Variants in SLC22A3 observed in about 807,000 individuals in gnomAD.
SLC22A3 encodes solute carrier family 22 member 3.
In SLC22A3, 51 loss-of-function variants were observed where a neutral mutation model predicts 59.1. The observed-to-expected ratio is 0.86, with a 90% confidence interval of 0.69 to 1.09. The LOEUF (loss-of-function observed/expected upper bound fraction) is 1.09, where lower values mean the gene tolerates loss of function less well. Among genes scored for constraint, SLC22A3 ranks in the 50% least tolerant of loss-of-function variants. The pLI is 0.00. For missense variants in SLC22A3, 711 were observed against 726.3 expected, an observed-to-expected ratio of 0.98 and a Z score of 0.24; for synonymous variants, 325 against 292.0, an observed-to-expected ratio of 1.11 and a Z score of -1.15.
intron 9 of SLC22A3, among the ~76,000 whole-genome samples, chr6:160,445,131 T>C (rs1181943841): frequency 6.6e-6 from 1 of 152,100 alleles, no homozygotes; most frequent in Non-Finnish European, 1.5e-5. Flanking sequence ...GACAACAGAA[T>C]GTGATAACTG....
intron 5 of SLC22A3, among the ~76,000 whole-genome samples, chr6:160,436,109 C>G (rs968304094): frequency 1.3e-5 from 2 of 152,210 alleles, no homozygotes; most frequent in African/African-American, 4.8e-5. Flanking sequence ...GCACAGGAAA[C>G]TGGAGCTGCG....
chr6:160,363,013 G>A (rs924640748), intron 1 of SLC22A3, among the ~76,000 whole-genome samples: 7 of 152,206 alleles, frequency 4.6e-5, no homozygotes, highest in Non-Finnish European at 8.8e-5. Context: ...GGAGCCCGCC[G>A]AGAGCTGAGG....
intron 1 of SLC22A3, among the ~76,000 whole-genome samples, chr6:160,373,640 G>A (rs935984039): frequency 2.6e-5 from 4 of 152,198 alleles, no homozygotes; most frequent in Admixed American, 2.0e-4. Flanking sequence ...CTGTCCCAGG[G>A]AGATGGGAGT....
At chr6:160,387,379 G>T (rs145932779) in intron 1 of SLC22A3, among the ~76,000 whole-genome samples, 386 of 152,330 alleles carry the variant, frequency 2.5e-3, no homozygotes, top group Non-Finnish European at 4.6e-3. Flanking sequence ...TTCTCCCAGA[G>T]CCTGCTTCTG....
intron 1 of SLC22A3, among the ~76,000 whole-genome samples, chr6:160,371,417 G>C (rs1393445782): frequency 1.3e-5 from 2 of 152,120 alleles, no homozygotes; most frequent in Non-Finnish European, 2.9e-5. Flanking sequence ...CCACTTATGA[G>C]TGAGAACATG....
At chr6:160,424,334 G>T (rs1787871182) in intron 5 of SLC22A3, among the ~76,000 whole-genome samples, 2 of 152,228 alleles carry the variant, frequency 1.3e-5, no homozygotes, top group Middle Eastern at 6.8e-3. Flanking sequence ...AAATTGAAAG[G>T]TGTTATTAAA....
At chr6:160,379,029 G>A (rs990067911) in intron 1 of SLC22A3, among the ~76,000 whole-genome samples, 6 of 152,140 alleles carry the variant, frequency 3.9e-5, no homozygotes, top group Non-Finnish European at 8.8e-5. Context: ...GTTGGGGACC[G>A]TCTGTAGATC....
chr6:160,436,932 C>A (rs1047365649), intron 6 of SLC22A3, 55 bp downstream of exon 6: 2 of 1,609,032 alleles, frequency 1.2e-6, no homozygotes, highest in Non-Finnish European at 1.7e-6. Context: ...CAATACATCC[C>A]TTCCTTCAAA....
In SLC22A3 at chr6:160,358,769, C is replaced by T. The variant is rs556369651; in HGVS notation, c.429+9921C>T. Among the ~76,000 whole-genome samples the T allele has an allele frequency of 3.9e-5, 6 of 152,346 alleles. No individual in the cohort carries two copies. In the South Asian group the frequency reaches 1.2e-3, roughly 32 times the overall value. On this transcript the variant is annotated intron_variant, in intron 1 of 10. Coordinates refer to ENST00000275300, the MANE Select transcript of SLC22A3 (RefSeq NM_021977.4). Reference sequence around the variant, plus strand: ...CTAACTGTGGTGCCCAAGTCCTCCCCTTGCCTGGTCTAGTCTGGGGTTGCT... The same window carrying T: ...CTAACTGTGGTGCCCAAGTCCTCCCTTTGCCTGGTCTAGTCTGGGGTTGCT...
intron 1 of SLC22A3, among the ~76,000 whole-genome samples, chr6:160,387,180 G>T (rs1370025358): frequency 6.6e-6 from 1 of 152,364 alleles, no homozygotes; most frequent in Non-Finnish European, 1.5e-5. Flanking sequence ...GGCATGCAGA[G>T]CCAGGAAAAC....
intron 7 of SLC22A3, among the ~76,000 whole-genome samples, chr6:160,441,044 C>T (rs1409972269): frequency 6.6e-6 from 1 of 151,706 alleles, no homozygotes; most frequent in African/African-American, 2.4e-5. Flanking sequence ...CCCAAATTGC[C>T]CTTGAATTTG....
chr6:160,408,603 C>A, intron 3 of SLC22A3, 150 bp from the exon 4 acceptor site: 1 of 677,038 alleles, frequency 1.5e-6, no homozygotes, highest in Non-Finnish European at 2.5e-6. Context: ...CACCTCCATC[C>A]TTTCTGCAAG....
At chr6:160,379,961 A>G (rs1424714100) in intron 1 of SLC22A3, among the ~76,000 whole-genome samples, 1 of 152,214 alleles carries the variant, frequency 6.6e-6, no homozygotes, top group Admixed American at 6.5e-5. Context: ...AAAATCAATT[A>G]TATGAAGAAG....
chr6:160,447,937 C>T (rs1788807892), intron 10 of SLC22A3, 119 bp downstream of exon 10: 2 of 838,126 alleles, frequency 2.4e-6, no homozygotes, highest in Non-Finnish European at 4.0e-6. Context: ...ATCCTCATCT[C>T]ATATTGTAAG....
intron 2 of SLC22A3, among the ~76,000 whole-genome samples, chr6:160,403,849 T>C (rs889983816): frequency 1.3e-5 from 2 of 151,924 alleles, no homozygotes; most frequent in Non-Finnish European, 2.9e-5. Flanking sequence ...ACAAAGTATT[T>C]GTCAAAATCC....
chr6:160,410,869 A>G (rs1787219790), intron 5 of SLC22A3, 23 bp downstream of exon 5: 1 of 1,388,590 alleles, frequency 7.2e-7, no homozygotes, highest in Admixed American at 1.7e-5. Flanking sequence ...AGTATGAGTA[A>G]CAAATATTGC....
At position 160,407,115 on chromosome 6, in the gene SLC22A3, C is replaced by A. The variant is rs1787049069; in HGVS notation, c.608C>A (p.Pro203Gln). Residue 203 changes from proline (P) to glutamine (Q), a missense_variant, in exon 3 of 11, where the codon CCA becomes CAA. Pro to Gln is a moderately conservative substitution (Grantham distance 76, BLOSUM62 -1). Coordinates refer to ENST00000275300, the MANE Select transcript of SLC22A3 (RefSeq NM_021977.4). ...GVTGVVVAFA[P>Q]NFPVFVIFRF... is the part of the protein sequence containing the mutation. ...ACTGGGGTTGTGGTGGCCTTTGCACCAAACTTCCCTGTGTTTGTGATCTTC... is the reference window on the plus strand; with the variant it reads ...ACTGGGGTTGTGGTGGCCTTTGCACAAAACTTCCCTGTGTTTGTGATCTTC... 2 of 1,612,026 alleles carry A rather than the reference C, an allele frequency of 1.2e-6. No homozygotes were observed. Among genetic ancestry groups the A allele is most frequent in the African/African-American group, 2.7e-5 (2 of 74,830 alleles).
At chr6:160,396,403 T>C (rs1462418032) in intron 1 of SLC22A3, among the ~76,000 whole-genome samples, 3 of 152,174 alleles carry the variant, frequency 2.0e-5, no homozygotes, top group Admixed American at 1.3e-4. Context: ...TTACATGACA[T>C]GCTGGCTAAT....
intron 3 of SLC22A3, 111 bp from the exon 4 acceptor site, chr6:160,408,642 C>A (rs949633684): frequency 3.1e-6 from 3 of 978,218 alleles, no homozygotes; most frequent in African/African-American, 3.2e-5. Flanking sequence ...TGAGTGCTAG[C>A]GTGTTCTAGC....
Sources: allele counts gnomAD v4.1 joint callset (sites outside exome capture counted in the v4.1 genomes callset), GRCh38; gene constraint gnomAD v4.1.1; transcripts MANE v1.5; gene names NCBI Gene and HGNC (gene_info 2026-07-23, HGNC 2026-07-21).